The following SPIDR variants were observed in gnomAD, a reference collection of about 807,000 sequenced individuals.
SPIDR encodes the protein DNA repair-scaffolding protein.
SPIDR carries 93 observed loss-of-function variants against 104.6 expected under a neutral mutation model. That is an observed-to-expected ratio of 0.89 (90% CI 0.75 to 1.06). The LOEUF (loss-of-function observed/expected upper bound fraction) is 1.06. SPIDR is among the 50% of genes least tolerant of loss of function. The probability of loss-of-function intolerance (pLI) is 0.00; values close to 1 mark genes in which losing one functional copy is unlikely to be tolerated. For synonymous variants in SPIDR, 431 were observed against 416.9 expected, an observed-to-expected ratio of 1.03 and a Z score of -0.41; for missense variants, 1,154 against 1,111.2, an observed-to-expected ratio of 1.04 and a Z score of -0.55.
intron 8 of SPIDR, among the ~76,000 whole-genome samples, chr8:47,590,904 C>CAT (rs2060928354): frequency 6.6e-6 from 1 of 152,086 alleles, no homozygotes; most frequent in African/African-American, 2.4e-5. Context: ...ATGTGCCTTT[C>CAT]TATATTTGGA....
chr8:47,553,973 A>G (rs1036178244), intron 8 of SPIDR, among the ~76,000 whole-genome samples: 2 of 152,188 alleles, frequency 1.3e-5, no homozygotes, highest in African/African-American at 4.8e-5. Context: ...TCCAACAATC[A>G]GGACCCTCAG....
At position 47,713,613 on chromosome 8, in the gene SPIDR, ACCTGTCAACT is replaced by A. The variant is rs2082171105; in HGVS notation, c.2316_2325del (p.Val773SerfsTer72). The A allele has an allele frequency of 1.9e-6, 3 of 1,613,970 alleles. No homozygotes were observed. The South Asian group carries it at 3.3e-5, about 18-fold the overall frequency. On this transcript the variant is annotated frameshift_variant, in exon 16 of 20. Coordinates refer to ENST00000297423, the MANE Select transcript of SPIDR (RefSeq NM_001080394.4). LOFTEE classifies it high-confidence loss of function. ...TGCTCGACAGCCTGGACTCTGCAAC[ACCTGTCAACT>A]CCATCTGCAGTGTTCAAGGTAGGCA...
chr8:47,353,442 C>T (rs1383770236), intron 5 of SPIDR, among the ~76,000 whole-genome samples: 1 of 152,136 alleles, frequency 6.6e-6, no homozygotes, highest in Non-Finnish European at 1.5e-5. Context: ...CTTGCTGTCC[C>T]TCCCTAATAT....
At chr8:47,480,108 A>G (rs1166309821) in intron 8 of SPIDR, among the ~76,000 whole-genome samples, 1 of 152,250 alleles carries the variant, frequency 6.6e-6, no homozygotes, top group African/African-American at 2.4e-5. Flanking sequence ...TACCTAATGA[A>G]GAAAAATGTA....
chr8:47,591,943 C>A (rs2061065954), intron 8 of SPIDR, among the ~76,000 whole-genome samples: 1 of 152,184 alleles, frequency 6.6e-6, no homozygotes, highest in African/African-American at 2.4e-5. Flanking sequence ...GATGATACTT[C>A]TAGCTTCTGC....
intron 7 of SPIDR, among the ~76,000 whole-genome samples, chr8:47,427,700 A>G (rs1554686076): frequency 4.6e-5 from 7 of 152,174 alleles, no homozygotes; most frequent in African/African-American, 1.7e-4. Context: ...AGGCTACCTC[A>G]GGAGCAGTGG....
chr8:47,345,857 T>G (rs188829665), intron 5 of SPIDR, among the ~76,000 whole-genome samples: 153 of 152,274 alleles, frequency 1.0e-3, no homozygotes, highest in Non-Finnish European at 1.8e-3. Context: ...TTTAAGGAGA[T>G]TTGGGGTTGA....
At chr8:47,496,691 T>C (rs923025402) in intron 8 of SPIDR, among the ~76,000 whole-genome samples, 1 of 151,742 alleles carries the variant, frequency 6.6e-6, no homozygotes, top group Non-Finnish European at 1.5e-5. Context: ...AGTAATACTA[T>C]TGACCTCATA....
chr8:47,657,698 C>CA (rs1443736916), intron 10 of SPIDR, among the ~76,000 whole-genome samples: 1 of 151,924 alleles, frequency 6.6e-6, no homozygotes, highest in Non-Finnish European at 1.5e-5. Context: ...CTTAGGACTG[C>CA]ATGTGACTCT....
intron 8 of SPIDR, among the ~76,000 whole-genome samples, chr8:47,458,967 T>G (rs2073481270): frequency 6.6e-6 from 1 of 152,122 alleles, no homozygotes; most frequent in South Asian, 2.1e-4. Context: ...ATATGTTAAA[T>G]TGTCCCTGCA....
chr8:47,619,338 A>G (rs2064801233), intron 10 of SPIDR, among the ~76,000 whole-genome samples: 1 of 152,200 alleles, frequency 6.6e-6, no homozygotes, highest in Non-Finnish European at 1.5e-5. Flanking sequence ...GAATCTTAAG[A>G]GTTCAATTGG....
intron 8 of SPIDR, among the ~76,000 whole-genome samples, chr8:47,453,386 C>T (rs1158916510): frequency 6.6e-6 from 1 of 152,074 alleles, no homozygotes; most frequent in Non-Finnish European, 1.5e-5. Flanking sequence ...CATATGGAAC[C>T]AGAGGGGAGC....
intron 5 of SPIDR, among the ~76,000 whole-genome samples, chr8:47,302,310 A>G (rs945121836): frequency 4.0e-5 from 6 of 151,522 alleles, no homozygotes; most frequent in African/African-American, 7.3e-5. Context: ...TCCTTTAAGG[A>G]CTTCTCTGCA....
At chr8:47,648,597 T>C (rs1365257374) in intron 10 of SPIDR, among the ~76,000 whole-genome samples, 1 of 152,192 alleles carries the variant, frequency 6.6e-6, no homozygotes, top group Non-Finnish European at 1.5e-5. Flanking sequence ...TGAGCACACC[T>C]AGTGCCAGAT....
At chr8:47,643,716 C>T (rs2069647514) in intron 10 of SPIDR, among the ~76,000 whole-genome samples, 1 of 152,152 alleles carries the variant, frequency 6.6e-6, no homozygotes, top group Non-Finnish European at 1.5e-5. Context: ...TGGAATATTT[C>T]CTATGTATAT....
intron 3 of SPIDR, among the ~76,000 whole-genome samples, chr8:47,288,893 A>T (rs2039374029): frequency 6.6e-6 from 1 of 152,182 alleles, no homozygotes; most frequent in African/African-American, 2.4e-5. Flanking sequence ...GCAAAGTGGA[A>T]CATTCCATTT....
chr8:47,547,346 G>T, intron 8 of SPIDR: 3 of 487,630 alleles, frequency 6.2e-6, no homozygotes, highest in South Asian at 3.6e-5. Context: ...AATCCAGCAG[G>T]GTGGGTTATA....
chr8:47,310,865 A>G (rs2044027632), intron 5 of SPIDR, among the ~76,000 whole-genome samples: 1 of 152,232 alleles, frequency 6.6e-6, no homozygotes, highest in South Asian at 2.1e-4. Flanking sequence ...TAGTCTTCAG[A>G]AGAACATAAT....
At chr8:47,333,502 C>T (rs780809974) in intron 5 of SPIDR, among the ~76,000 whole-genome samples, 1 of 151,930 alleles carries the variant, frequency 6.6e-6, no homozygotes, top group Non-Finnish European at 1.5e-5. Context: ...CAGGGTTTCA[C>T]CATGTTGGCC....
Sources: allele counts gnomAD v4.1 joint callset (sites outside exome capture counted in the v4.1 genomes callset), GRCh38; gene constraint gnomAD v4.1.1; transcripts MANE v1.5; gene names NCBI Gene and HGNC (gene_info 2026-07-23, HGNC 2026-07-21).